The following SCUBE2 variants were observed in gnomAD, a reference collection of about 807,000 sequenced individuals.
SCUBE2 encodes the protein signal peptide, CUB and EGF-like domain-containing protein 2.
SCUBE2 carries 114 observed loss-of-function variants against 125.9 expected under a neutral mutation model. The observed-to-expected ratio is 0.91, with a 90% CI of 0.78 to 1.06. The LOEUF (loss-of-function observed/expected upper bound fraction) is 1.06, where lower values mean the gene tolerates loss of function less well. Among genes scored for constraint, SCUBE2 ranks in the 50% least tolerant of loss-of-function variants. SCUBE2 has a pLI of 0.00. For missense variants in SCUBE2, 1,255 were observed against 1,301.8 expected (o/e 0.96, Z 0.55); for synonymous variants, 459 against 492.9 (o/e 0.93, Z 0.91).
At chr11:9,025,610 A>T (rs1193468267) in intron 21 of SCUBE2, 92 bp downstream of exon 21, 3 of 1,474,338 alleles carry the variant, frequency 2.0e-6, no homozygotes, top group Middle Eastern at 2.1e-4. Flanking sequence ...CTTTCTGAGC[A>T]TGTGTGCTTG....
intron 7 of SCUBE2, 35 bp from the exon 8 acceptor site, chr11:9,060,559 C>CA: frequency 6.4e-7 from 1 of 1,559,880 alleles, no homozygotes; most frequent in Non-Finnish European, 8.8e-7. Context: ...ATTAGCTTCC[C>CA]AAAGAAGTGC....
chr11:9,030,615 G>C, intron 18 of SCUBE2, 143 bp downstream of exon 18: 1 of 819,952 alleles, frequency 1.2e-6, no homozygotes, highest in East Asian at 2.5e-5. Context: ...TGCACATCCT[G>C]CTGGGGCGAG....
intron 14 of SCUBE2, 77 bp from the exon 15 acceptor site, chr11:9,048,175 A>G: frequency 7.0e-7 from 1 of 1,429,482 alleles, no homozygotes; most frequent in Non-Finnish European, 9.5e-7. Flanking sequence ...AGCTCAGTAA[A>G]CATTTCATTA....
At chr11:9,064,448 A>G (rs1860002206) in intron 7 of SCUBE2, 1 of 150,742 alleles carries the variant, frequency 6.6e-6, no homozygotes. Flanking sequence ...CCTGGGGGCA[A>G]CAGAGTGAGA....
chr11:9,076,860 A>C (rs1421761219), intron 3 of SCUBE2, among the ~76,000 whole-genome samples: 2 of 152,198 alleles, frequency 1.3e-5, no homozygotes, highest in Non-Finnish European at 2.9e-5. Flanking sequence ...AGGGTGAAGG[A>C]AGCACATTCC....
chr11:9,066,562 G>A (rs767709868), intron 6 of SCUBE2, 135 bp downstream of exon 6: 29 of 714,658 alleles, frequency 4.1e-5, no homozygotes, highest in Middle Eastern at 3.9e-4. Flanking sequence ...TGTAGCATGC[G>A]AAGCAGCACA....
At chr11:9,064,637 G>T (rs573776127) in intron 7 of SCUBE2, 3 of 152,272 alleles carry the variant, frequency 2.0e-5, no homozygotes. Context: ...ACAAGGAAAT[G>T]ATGAGTTTCA....
chr11:9,026,695 T>A (rs559620609), intron 20 of SCUBE2: 43 of 152,708 alleles, frequency 2.8e-4, no homozygotes, highest in African/African-American at 1.0e-3. Flanking sequence ...CAGCCTGGGA[T>A]TACAGGTGTG....
intron 2 of SCUBE2, among the ~76,000 whole-genome samples, chr11:9,087,875 G>A (rs1023947985): frequency 2.6e-5 from 4 of 152,208 alleles, no homozygotes; most frequent in Admixed American, 1.3e-4. Context: ...CACTGCAAAA[G>A]CATCTGACAG....
chr11:9,073,468 G>T (rs1860974592), intron 4 of SCUBE2, among the ~76,000 whole-genome samples: 1 of 152,164 alleles, frequency 6.6e-6, no homozygotes, highest in East Asian at 1.9e-4. Context: ...TAAGGTGTGA[G>T]CTGCCATCCT....
intron 16 of SCUBE2, among the ~76,000 whole-genome samples, chr11:9,036,330 A>T (rs942538288): frequency 1.3e-5 from 2 of 152,228 alleles, no homozygotes; most frequent in Non-Finnish European, 2.9e-5. Context: ...AATGGTTTCC[A>T]TATCGCTCTG....
At position 9,066,899 on chromosome 11, in the gene SCUBE2, A is replaced by G. The variant is rs565906495; in HGVS notation, c.644-86T>C. On this transcript the variant is annotated intron_variant, in intron 5 of 22. Coordinates refer to ENST00000649792, the MANE Select transcript of SCUBE2 (RefSeq NM_001367977.2). ...TTGCTCCAGAGAAATTCTGATTTTC[A>G]TTCTGCAAGTATTTGAGCACCTAGT... 9.0e-4 allele frequency: 1,030 copies of G among 1,146,972 alleles called. 1 individual carries two copies. Among genetic ancestry groups the G allele is most frequent in the Non-Finnish European group, 1.3e-3 (961 of 764,202 alleles). 71.0% of individuals were successfully genotyped at this position (1,146,972 alleles called of 1,614,324 possible). A position where few individuals can be genotyped will look rare whatever the true frequency, so the allele number is the denominator to read the frequency against.
chr11:9,031,702 T>A lies in SCUBE2; in HGVS notation c.2174-777A>T, dbSNP rs140224957. Among the ~76,000 whole-genome samples, 524 of 151,966 alleles carry A rather than the reference T, an allele frequency of 3.4e-3. 4 individuals are homozygous for A. The highest frequency in any genetic ancestry group is 0.011 in the African/African-American group (472 of 41,462). The stretch of plus-strand genomic sequence containing the variant: ...TATTTACTAAGTTAGATCTTACACA[T>A]GTTATACCTGGGACAAGAAACACAG... On this transcript the variant is annotated intron_variant, in intron 17 of 22. Coordinates refer to ENST00000649792, the MANE Select transcript of SCUBE2 (RefSeq NM_001367977.2).
At position 9,047,291 on chromosome 11, in the gene SCUBE2, G is replaced by C. The variant is rs558464461; in HGVS notation, c.2002+65C>G. The stretch of plus-strand genomic sequence containing the variant: ...GGGAGGATGGGCCAGACTTGCCTTC[G>C]GTTACCCTGAGTGTTTATGGAGCCC... On this transcript the variant is annotated intron_variant, in intron 16 of 22. Transcript: ENST00000649792. 4 of 1,557,154 alleles carry C rather than the reference G, an allele frequency of 2.6e-6. No individual in the cohort carries two copies. In the African/African-American group the frequency reaches 5.4e-5, roughly 21 times the overall value.
intron 10 of SCUBE2, among the ~76,000 whole-genome samples, chr11:9,054,725 A>ATTTTTTTTTTTTT (rs1174774188): frequency 8.9e-5 from 2 of 22,348 alleles, no homozygotes; most frequent in Non-Finnish European, 1.4e-4. Flanking sequence ...ATATATATAT[A>ATTTTTTTTTTTTT]TTTTTTTTTT....
intron 9 of SCUBE2, among the ~76,000 whole-genome samples, chr11:9,056,135 C>T (rs900137422): frequency 2.0e-4 from 31 of 152,224 alleles, no homozygotes; most frequent in African/African-American, 7.2e-4. Flanking sequence ...CTGTTGCAAA[C>T]TGCACTTCCC....
intron 8 of SCUBE2, 157 bp from the exon 9 acceptor site, chr11:9,059,582 C>T: frequency 1.0e-6 from 1 of 987,006 alleles, no homozygotes. Flanking sequence ...TAACCTTATA[C>T]ATGTTTTCTT....
chr11:9,071,440 G>A (rs879488784), intron 4 of SCUBE2, among the ~76,000 whole-genome samples: 2 of 152,126 alleles, frequency 1.3e-5, no homozygotes, highest in Non-Finnish European at 2.9e-5. Flanking sequence ...GACTTAAATG[G>A]CTCTGGAAAC....
In SCUBE2 at chr11:9,059,177, G is replaced by A. The variant is rs532661072; in HGVS notation, c.1090+126C>T. On this transcript the variant is annotated intron_variant, in intron 9 of 22. Transcript: ENST00000649792. Reference sequence around the variant, plus strand: ...AATAGATGAAATGAGTGAAGCCTAGGAAGGAGATTGGATTAGTGGCCCTGT... The same window carrying A: ...AATAGATGAAATGAGTGAAGCCTAGAAAGGAGATTGGATTAGTGGCCCTGT... 44 of 1,087,624 alleles carry A rather than the reference G, an allele frequency of 4.0e-5. No homozygotes were observed. In the African/African-American group the frequency reaches 6.7e-4, roughly 17 times the overall value. 67.4% of individuals were successfully genotyped at this position (1,087,624 alleles called of 1,614,324 possible).
Sources: allele counts gnomAD v4.1 joint callset (sites outside exome capture counted in the v4.1 genomes callset), GRCh38; gene constraint gnomAD v4.1.1; transcripts MANE v1.5; gene names NCBI Gene and HGNC (gene_info 2026-07-23, HGNC 2026-07-21).